The following FCHO2 variants were observed in gnomAD, a reference collection of about 807,000 sequenced individuals.
FCHO2 encodes the protein FCH and mu domain containing endocytic adaptor 2, also known as F-BAR domain only protein 2.
FCHO2 carries 43 observed loss-of-function variants against 114.1 expected under a neutral mutation model. The ratio of observed to expected loss-of-function variants is 0.38; its 90% CI spans 0.30 to 0.49. The LOEUF (loss-of-function observed/expected upper bound fraction) is 0.49, where lower values mean the gene tolerates loss of function less well. Among genes scored for constraint, FCHO2 ranks in the 20% least tolerant of loss-of-function variants. The pLI, the probability that FCHO2 is intolerant of heterozygous loss-of-function variation, is 0.97. For missense variants in FCHO2, 807 were observed against 950.4 expected (o/e 0.85, Z 1.98); for synonymous variants, 293 against 315.2 (o/e 0.93, Z 0.75).
chr5:72,968,953 C>T (rs899648472), intron 2 of FCHO2, among the ~76,000 whole-genome samples: 8 of 152,144 alleles, frequency 5.3e-5, no homozygotes, highest in African/African-American at 1.9e-4. Flanking sequence ...TTCTGAACTT[C>T]AGTTTAATTT....
intron 2 of FCHO2, among the ~76,000 whole-genome samples, chr5:72,979,854 G>A (rs1753103537): frequency 6.6e-6 from 1 of 151,836 alleles, no homozygotes; most frequent in African/African-American, 2.4e-5. Context: ...TGTTATTCTG[G>A]CTAGCGGTCT....
At chr5:72,979,312 AT>A (rs1428623905) in intron 2 of FCHO2, among the ~76,000 whole-genome samples, 1 of 134,398 alleles carries the variant, frequency 7.4e-6, no homozygotes, top group African/African-American at 2.7e-5. Context: ...CTGTCCAGGG[AT>A]TCTACCTCTT....
intron 2 of FCHO2, among the ~76,000 whole-genome samples, chr5:72,983,985 A>T (rs1221597593): frequency 6.6e-6 from 1 of 152,104 alleles, no homozygotes; most frequent in African/African-American, 2.4e-5. Flanking sequence ...TGGTTGTATC[A>T]GTTTACACCA....
chr5:72,987,289 A>G (rs1190037166), intron 2 of FCHO2, among the ~76,000 whole-genome samples: 1 of 152,202 alleles, frequency 6.6e-6, no homozygotes, highest in Non-Finnish European at 1.5e-5. Flanking sequence ...TCCTCAAAAA[A>G]TATATAGATT....
chr5:73,029,780 G>A (rs2112782658), intron 8 of FCHO2, among the ~76,000 whole-genome samples: 1 of 152,142 alleles, frequency 6.6e-6, no homozygotes, highest in South Asian at 2.1e-4. Flanking sequence ...TAAACAACCA[G>A]ATCTTGTGTG....
intron 17 of FCHO2, among the ~76,000 whole-genome samples, chr5:73,062,508 G>C (rs1420842315): frequency 6.6e-6 from 1 of 151,980 alleles, no homozygotes; most frequent in East Asian, 1.9e-4. Flanking sequence ...GAAGTGTTAT[G>C]GGCTTCAGAT....
At chr5:73,001,288 C>T (rs1326052671) in intron 5 of FCHO2, among the ~76,000 whole-genome samples, 1 of 151,490 alleles carries the variant, frequency 6.6e-6, no homozygotes, top group Admixed American at 6.6e-5. Flanking sequence ...CATTCCGGCC[C>T]AGGCCTACAA....
At chr5:73,029,118 T>C (rs150829141) in intron 8 of FCHO2, among the ~76,000 whole-genome samples, 1 of 152,238 alleles carries the variant, frequency 6.6e-6, no homozygotes, top group Admixed American at 6.5e-5. Context: ...CAAAATTCAT[T>C]AAACTGTACA....
At chr5:72,963,497 C>T (rs950552384) in intron 1 of FCHO2, among the ~76,000 whole-genome samples, 1 of 152,024 alleles carries the variant, frequency 6.6e-6, no homozygotes, top group Admixed American at 6.6e-5. Flanking sequence ...AAGCATTTTT[C>T]TCATGTGAAT....
intron 8 of FCHO2, among the ~76,000 whole-genome samples, chr5:73,031,340 T>TA (rs1756232706): frequency 6.6e-6 from 1 of 152,206 alleles, no homozygotes; most frequent in African/African-American, 2.4e-5. Context: ...TTAGCTCTGA[T>TA]TAGAAGCAGA....
At chr5:72,964,698 T>A (rs1752088794) in intron 1 of FCHO2, among the ~76,000 whole-genome samples, 1 of 152,196 alleles carries the variant, frequency 6.6e-6, no homozygotes, top group South Asian at 2.1e-4. Context: ...ATTCTATATA[T>A]TTTAGTCACT....
chr5:72,999,880 G>A (rs1403680127), intron 5 of FCHO2, among the ~76,000 whole-genome samples: 1 of 152,178 alleles, frequency 6.6e-6, no homozygotes, highest in Admixed American at 6.5e-5. Context: ...TATTATCATA[G>A]GTAATGTATT....
chr5:73,080,077 C>G (rs750588829), intron 22 of FCHO2, among the ~76,000 whole-genome samples: 7 of 152,102 alleles, frequency 4.6e-5, no homozygotes, highest in Non-Finnish European at 8.8e-5. Context: ...AGTATTTAAT[C>G]TGTGGGAAAA....
chr5:73,075,183 G>A (rs1345567862), intron 20 of FCHO2, among the ~76,000 whole-genome samples: 1 of 152,114 alleles, frequency 6.6e-6, no homozygotes, highest in Non-Finnish European at 1.5e-5. Context: ...TGTATGTATT[G>A]GATATTGATA....
At chr5:73,032,665 A>C (rs1474081945) in intron 8 of FCHO2, among the ~76,000 whole-genome samples, 1 of 152,196 alleles carries the variant, frequency 6.6e-6, no homozygotes, top group South Asian at 2.1e-4. Context: ...TTTGTAAACA[A>C]GGCAATTTGG....
At chr5:73,022,545 A>G (rs2112762467) in intron 8 of FCHO2, among the ~76,000 whole-genome samples, 1 of 152,302 alleles carries the variant, frequency 6.6e-6, no homozygotes, top group Non-Finnish European at 1.5e-5. Flanking sequence ...TATTCATGGC[A>G]GATACCGTTG....
intron 9 of FCHO2, among the ~76,000 whole-genome samples, chr5:73,036,674 C>T (rs1756527456): frequency 6.6e-6 from 1 of 152,128 alleles, no homozygotes; most frequent in African/African-American, 2.4e-5. Context: ...CTGCACCTGG[C>T]CCCATATTAT....
chr5:73,065,734 C>A (rs1257010071), intron 18 of FCHO2, among the ~76,000 whole-genome samples: 1 of 151,750 alleles, frequency 6.6e-6, no homozygotes, highest in East Asian at 1.9e-4. Context: ...ATGAATTATT[C>A]TTTGATTATA....
intron 2 of FCHO2, among the ~76,000 whole-genome samples, chr5:72,971,279 G>A (rs1752537976): frequency 6.6e-6 from 1 of 151,940 alleles, no homozygotes. Flanking sequence ...TCGCCACACT[G>A]ACTTCCACAG....
Sources: gnomAD v4.1 joint callset for allele counts (sites outside exome capture counted in the v4.1 genomes callset) on GRCh38, gnomAD v4.1.1 for gene constraint, MANE v1.5 for transcripts, NCBI Gene and HGNC (gene_info 2026-07-23, HGNC 2026-07-21) for gene names.